Variants in MRPL42 observed in about 807,000 individuals in gnomAD.
MRPL42 encodes the protein mitochondrial ribosomal protein L42.
In MRPL42, 17 loss-of-function variants were observed where a neutral mutation model predicts 17.9. That is an observed-to-expected ratio of 0.95 (90% CI 0.65 to 1.42). MRPL42 has a LOEUF of 1.42. Among genes scored for constraint, MRPL42 ranks in the 40% most tolerant of loss-of-function variants. The pLI, the probability that MRPL42 is intolerant of heterozygous loss-of-function variation, is 0.00. For missense variants in MRPL42, 177 were observed against 175.2 expected, an observed-to-expected ratio of 1.01 and a Z score of -0.06; for synonymous variants, 59 against 54.4, an observed-to-expected ratio of 1.08 and a Z score of -0.37.
At chr12:93,500,003 A>G (rs1182119534) in intron 5 of MRPL42, among the ~76,000 whole-genome samples, 5 of 152,186 alleles carry the variant, frequency 3.3e-5, no homozygotes, top group Admixed American at 1.3e-4. Context: ...ACAAAAACAC[A>G]TGTACTCTGT....
At position 93,505,362 on chromosome 12, in the gene MRPL42, T is replaced by C. The variant is rs1953657950; in HGVS notation, c.*4141T>C. On this transcript the variant is annotated 3_prime_UTR_variant, in exon 6 of 6. Coordinates refer to ENST00000549982, the MANE Select transcript of MRPL42 (RefSeq NM_014050.4). ...AATACTTTTTCAGTTTCAATGTGTA[T>C]TTTTAAAATTTCCAGAAGATGAGTT... 6.6e-6 allele frequency: 1 copy of C among 152,154 alleles called. No individual in the cohort carries two copies. The highest frequency in any genetic ancestry group is 1.5e-5 in the Non-Finnish European group (1 of 68,026). The allele number at this position is 152,154 out of a possible 1,614,324, so 9.4% of individuals were successfully genotyped here.
intron 4 of MRPL42, among the ~76,000 whole-genome samples, chr12:93,482,663 A>T (rs1338818532): frequency 6.6e-6 from 1 of 152,174 alleles, no homozygotes; most frequent in Non-Finnish European, 1.5e-5. Flanking sequence ...TACTATTAGT[A>T]GAATAATAGT....
At chr12:93,481,058 C>T (rs567864185) in intron 4 of MRPL42, among the ~76,000 whole-genome samples, 12 of 152,220 alleles carry the variant, frequency 7.9e-5, no homozygotes, top group East Asian at 3.8e-4. Flanking sequence ...TAAATATCTT[C>T]GGTTTATTTG....
chr12:93,479,850 C>T (rs989684944), intron 4 of MRPL42, among the ~76,000 whole-genome samples: 2 of 145,248 alleles, frequency 1.4e-5, no homozygotes. Context: ...ATTACAGCTA[C>T]TTTTTTACTA....
At chr12:93,489,457 G>T (rs1953370038) in intron 5 of MRPL42, among the ~76,000 whole-genome samples, 1 of 151,992 alleles carries the variant, frequency 6.6e-6, no homozygotes, top group South Asian at 2.1e-4. Flanking sequence ...TGATTTTTTG[G>T]GGGGGCAGGC....
chr12:93,497,744 GA>G (rs34441413), intron 5 of MRPL42, among the ~76,000 whole-genome samples: 168 of 142,062 alleles, frequency 1.2e-3, no homozygotes, highest in Middle Eastern at 3.6e-3. Context: ...AATCAGGCAA[GA>G]AAAAAAAAAA....
chr12:93,495,769 G>A (rs1241283078), intron 5 of MRPL42, among the ~76,000 whole-genome samples: 1 of 152,046 alleles, frequency 6.6e-6, no homozygotes, highest in Non-Finnish European at 1.5e-5. Context: ...TGATAATGAG[G>A]AACATCTTAA....
At chr12:93,495,940 T>A (rs1388850101) in intron 5 of MRPL42, among the ~76,000 whole-genome samples, 1 of 152,226 alleles carries the variant, frequency 6.6e-6, no homozygotes, top group Non-Finnish European at 1.5e-5. Flanking sequence ...TTAAAGAAGC[T>A]GTGAAGACAA....
rs948891676 is a variant in MRPL42, at chr12:93,503,123, G to A, written c.*1902G>A. The stretch of plus-strand genomic sequence containing the variant: ...TTGCAGACATTTTAAAATTCGTAAA[G>A]TGGGATGCTTCTTTAATTTAAATAC... On this transcript the variant is annotated 3_prime_UTR_variant, in exon 6 of 6. Coordinates refer to ENST00000549982, the MANE Select transcript of MRPL42 (RefSeq NM_014050.4). The A allele has an allele frequency of 6.6e-6, 1 of 152,144 alleles. No individual in the cohort carries two copies. Among genetic ancestry groups the A allele is most frequent in the African/African-American group, 2.4e-5 (1 of 41,406 alleles). 9.4% of individuals were successfully genotyped at this position (152,144 alleles called of 1,614,324 possible). A position where few individuals can be genotyped will look rare whatever the true frequency, so the allele number is the denominator to read the frequency against.
chr12:93,483,426 A>G (rs971670507), intron 4 of MRPL42, among the ~76,000 whole-genome samples: 2 of 152,204 alleles, frequency 1.3e-5, no homozygotes, highest in African/African-American at 2.4e-5. Context: ...GGTATAGCCT[A>G]TTGCTCCCAG....
At chr12:93,479,286 C>T (rs1880339897) in intron 3 of MRPL42, 102 bp from the exon 4 acceptor site, 2 of 644,080 alleles carry the variant, frequency 3.1e-6, no homozygotes, top group East Asian at 3.1e-5. Context: ...TGCACTCCAG[C>T]CTGGGTGACA....
chr12:93,476,527 T>C (rs1187335868), intron 2 of MRPL42, among the ~76,000 whole-genome samples: 1 of 152,208 alleles, frequency 6.6e-6, no homozygotes, highest in Admixed American at 6.5e-5. Context: ...TTTATTTTTT[T>C]TCTTACCTGG....
At position 93,509,197 on chromosome 12, in the gene MRPL42, A is replaced by AAC. The variant is rs956641463; in HGVS notation, c.*7977_*7978insCA. The stretch of plus-strand genomic sequence containing the variant: ...AACGAGATTCCGTCTCAAAAAAAAA[A>AAC]AAAAAACTGCCAAAACGCTTTTTGC... On this transcript the variant is annotated 3_prime_UTR_variant, in exon 6 of 6. Transcript: ENST00000549982. The AAC allele has an allele frequency of 8.6e-5, 13 of 151,840 alleles. No homozygotes were observed. Among genetic ancestry groups the AAC allele is most frequent in the Admixed American group, 3.3e-4 (5 of 15,234 alleles). 9.4% of individuals were successfully genotyped at this position (151,840 alleles called of 1,614,324 possible).
At chr12:93,492,700 A>G (rs1592783656) in intron 5 of MRPL42, among the ~76,000 whole-genome samples, 1 of 152,374 alleles carries the variant, frequency 6.6e-6, no homozygotes, top group African/African-American at 2.4e-5. Context: ...TATATTTACT[A>G]CTCAAGACTG....
chr12:93,491,142 T>C (rs1456394386), intron 5 of MRPL42, among the ~76,000 whole-genome samples: 1 of 152,104 alleles, frequency 6.6e-6, no homozygotes, highest in Non-Finnish European at 1.5e-5. Flanking sequence ...CCCACTGCCT[T>C]GGGCTCCCAA....
At chr12:93,488,294 A>T in intron 5 of MRPL42, 2 of 398,364 alleles carry the variant, frequency 5.0e-6, no homozygotes, top group African/African-American at 4.1e-5. Flanking sequence ...TGTAGAGGCA[A>T]GGTCTCACTC....
intron 2 of MRPL42, among the ~76,000 whole-genome samples, chr12:93,473,959 GT>G (rs368390301): frequency 1.1e-3 from 166 of 152,274 alleles, no homozygotes; most frequent in African/African-American, 3.7e-3. Context: ...AGGGGACACA[GT>G]AATGAACAAG....
rs1407971222 is a variant in MRPL42, at chr12:93,506,312, C to CT, written c.*5092dup. The CT allele has an allele frequency of 8.1e-6, 1 of 123,522 alleles. No homozygotes were observed. Among genetic ancestry groups the CT allele is most frequent in the Non-Finnish European group, 1.6e-5 (1 of 63,112 alleles). The allele number at this position is 123,522 out of a possible 1,614,324, so 7.7% of individuals were successfully genotyped here. A position where few individuals can be genotyped will look rare whatever the true frequency, so the allele number is the denominator to read the frequency against. On this transcript the variant is annotated 3_prime_UTR_variant, in exon 6 of 6. Transcript: ENST00000549982. ...CAGAGTCTTGCTCTTGTTGCCTTGGCTGGAGTGTAGTGGCACATTCTCAGC... is the reference window on the plus strand; with the variant it reads ...CAGAGTCTTGCTCTTGTTGCCTTGGCTTGGAGTGTAGTGGCACATTCTCAGC...
chr12:93,495,297 T>C (rs1035770623), intron 5 of MRPL42, among the ~76,000 whole-genome samples: 4 of 152,212 alleles, frequency 2.6e-5, no homozygotes, highest in African/African-American at 9.6e-5. Context: ...GAATACTTTA[T>C]GACTTGATTT....
Sources: gnomAD v4.1 joint callset for allele counts (sites outside exome capture counted in the v4.1 genomes callset) on GRCh38, gnomAD v4.1.1 for gene constraint, MANE v1.5 for transcripts, NCBI Gene and HGNC (gene_info 2026-07-23, HGNC 2026-07-21) for gene names.